Variants in DPYD observed in about 807,000 individuals in gnomAD.
DPYD encodes the protein dihydropyrimidine dehydrogenase.
Under a neutral mutation model 116.2 loss-of-function variants are expected in DPYD, and 109 were observed. The ratio of observed to expected loss-of-function variants is 0.94; its 90% confidence interval spans 0.80 to 1.10. The LOEUF (loss-of-function observed/expected upper bound fraction) is 1.10. Ranked by LOEUF, DPYD falls within the 50% of genes least tolerant of loss-of-function variation. The pLI is 0.00. For synonymous variants in DPYD, 440 were observed against 432.0 expected, an observed-to-expected ratio of 1.02 and a Z score of -0.23; for missense variants, 1,302 against 1,254.5, an observed-to-expected ratio of 1.04 and a Z score of -0.57.
chr1:97,450,040 G>T lies in DPYD; in HGVS notation c.1905+19C>A, dbSNP rs76551168. 648 of 1,613,608 alleles carry T rather than the reference G, an allele frequency of 4.0e-4. 5 individuals carry two copies. In the East Asian group the frequency reaches 0.013, roughly 32 times the overall value. Reference sequence around the variant, plus strand: ...AACTTATGCCAATTCTCTTGTTTTAGATGTTAAATCACACTTACGTTGTCT... The same window carrying T: ...AACTTATGCCAATTCTCTTGTTTTATATGTTAAATCACACTTACGTTGTCT... On this transcript the variant is annotated intron_variant, in intron 14 of 22. Coordinates refer to ENST00000370192, the MANE Select transcript of DPYD (RefSeq NM_000110.4).
intron 3 of DPYD, among the ~76,000 whole-genome samples, chr1:97,788,809 G>A (rs1667173642): frequency 6.6e-6 from 1 of 151,756 alleles, no homozygotes; most frequent in Non-Finnish European, 1.5e-5. Flanking sequence ...TTTTCTTATT[G>A]TTGTTGTTGT....
intron 16 of DPYD, among the ~76,000 whole-genome samples, chr1:97,325,181 A>T (rs1668650258): frequency 6.6e-6 from 1 of 152,056 alleles, no homozygotes; most frequent in African/African-American, 2.4e-5. Flanking sequence ...GATAGTTTAA[A>T]ACTTTGCGCT....
intron 20 of DPYD, among the ~76,000 whole-genome samples, chr1:97,128,889 G>C (rs1405630860): frequency 6.6e-6 from 1 of 152,092 alleles, no homozygotes; most frequent in Admixed American, 6.6e-5. Context: ...ATGGAGGGAA[G>C]GAGAGAAAAG....
intron 3 of DPYD, among the ~76,000 whole-genome samples, chr1:97,793,664 CA>C (rs1219099769): frequency 6.6e-6 from 1 of 151,626 alleles, no homozygotes; most frequent in African/African-American, 2.4e-5. Flanking sequence ...AAAAACAAAA[CA>C]AAACGAAAAA....
chr1:97,148,925 G>A (rs139112037), intron 20 of DPYD, among the ~76,000 whole-genome samples: 246 of 152,226 alleles, frequency 1.6e-3, no homozygotes, highest in African/African-American at 5.7e-3. Flanking sequence ...GAAAATACCT[G>A]CATCACTCTA....
chr1:97,123,854 C>CT (rs1296078044), intron 20 of DPYD, among the ~76,000 whole-genome samples: 1 of 151,954 alleles, frequency 6.6e-6, no homozygotes, highest in East Asian at 1.9e-4. Context: ...CGGCAGACAC[C>CT]TTTATTGAGT....
intron 11 of DPYD, among the ~76,000 whole-genome samples, chr1:97,569,040 A>C (rs760240627): frequency 1.3e-5 from 2 of 152,148 alleles, no homozygotes; most frequent in Non-Finnish European, 2.9e-5. Flanking sequence ...GCTAAAGTAC[A>C]TTCATTCAGT....
chr1:97,352,663 T>A (rs749427480), intron 16 of DPYD, among the ~76,000 whole-genome samples: 37 of 152,076 alleles, frequency 2.4e-4, no homozygotes, highest in Non-Finnish European at 4.3e-4. Flanking sequence ...GTTGTTTGAT[T>A]TTTTTTTCCC....
intron 4 of DPYD, among the ~76,000 whole-genome samples, chr1:97,736,850 T>TTGTGTGTGTGTGTGTGTGTG (rs71590232): frequency 7.0e-6 from 1 of 142,024 alleles, no homozygotes; most frequent in African/African-American, 2.6e-5. Flanking sequence ...GTGTGTGCAT[T>TTGTGTGTGTGTGTGTGTGTG]TGTGTGTGTG....
chr1:97,715,647 C>G (rs529813782), intron 5 of DPYD, among the ~76,000 whole-genome samples: 3 of 152,224 alleles, frequency 2.0e-5, no homozygotes, highest in Admixed American at 2.0e-4. Flanking sequence ...TGATCATTAT[C>G]TAACCTATCT....
At chr1:97,786,622 C>T (rs767352009) in intron 3 of DPYD, among the ~76,000 whole-genome samples, 1 of 152,188 alleles carries the variant, frequency 6.6e-6, no homozygotes, top group Non-Finnish European at 1.5e-5. Context: ...ATTTTATTAG[C>T]TTGTCTCTGA....
In DPYD at chr1:97,739,718, T is replaced by C. The variant is rs1190342941; in HGVS notation, c.321+674A>G. Among the ~76,000 whole-genome samples the C allele has an allele frequency of 2.0e-5, 3 of 152,120 alleles. No individual in the cohort carries two copies. The East Asian group carries it at 5.8e-4, about 29-fold the overall frequency. On this transcript the variant is annotated intron_variant, in intron 4 of 22. Coordinates refer to ENST00000370192, the MANE Select transcript of DPYD (RefSeq NM_000110.4). ...TGCTCATCCTTAAAGGATTAGACAC[T>C]TGGGCGAGCTCTCAATGCTCTCTTC...
At chr1:97,683,337 A>G (rs1660527561) in intron 7 of DPYD, among the ~76,000 whole-genome samples, 1 of 151,886 alleles carries the variant, frequency 6.6e-6, no homozygotes. Context: ...AATCACAGAT[A>G]TTATTGGTTC....
intron 16 of DPYD, among the ~76,000 whole-genome samples, chr1:97,369,371 A>AAT (rs1671197734): frequency 6.6e-6 from 1 of 152,148 alleles, no homozygotes; most frequent in African/African-American, 2.4e-5. Context: ...TAGAATTATA[A>AAT]AGACAACTTT....
At chr1:97,109,520 G>T (rs12129287) in intron 20 of DPYD, among the ~76,000 whole-genome samples, 21 of 152,022 alleles carry the variant, frequency 1.4e-4, no homozygotes, top group African/African-American at 4.1e-4. Context: ...AGAAAAATGA[G>T]GTGATGAGGA....
chr1:97,516,944 G>A (rs1462133593), intron 12 of DPYD, among the ~76,000 whole-genome samples: 2 of 152,046 alleles, frequency 1.3e-5, no homozygotes, highest in African/African-American at 4.8e-5. Context: ...TAATTCAAAA[G>A]TAGAAATCCA....
At chr1:97,086,794 C>G (rs1337930110) in intron 21 of DPYD, among the ~76,000 whole-genome samples, 1 of 152,132 alleles carries the variant, frequency 6.6e-6, no homozygotes, top group African/African-American at 2.4e-5. Context: ...TAGGTCAGGA[C>G]TGTCTGCACT....
At chr1:97,657,244 C>G (rs1351952300) in intron 8 of DPYD, among the ~76,000 whole-genome samples, 1 of 152,116 alleles carries the variant, frequency 6.6e-6, no homozygotes, top group East Asian at 1.9e-4. Flanking sequence ...GCTAGGATTA[C>G]AGGCATGAGC....
At chr1:97,303,786 T>A (rs1426770407) in intron 18 of DPYD, among the ~76,000 whole-genome samples, 1 of 152,010 alleles carries the variant, frequency 6.6e-6, no homozygotes, top group African/African-American at 2.4e-5. Flanking sequence ...AAATGAAAGT[T>A]CTACCCAGGC....
Sources: gnomAD v4.1 joint callset for allele counts (sites outside exome capture counted in the v4.1 genomes callset) on GRCh38, gnomAD v4.1.1 for gene constraint, MANE v1.5 for transcripts, NCBI Gene and HGNC (gene_info 2026-07-23, HGNC 2026-07-21) for gene names.